HDAC3: variants seen among roughly 807,000 people sequenced by gnomAD.
HDAC3 encodes SMAP45.
HDAC3 carries 21 observed loss-of-function variants against 62.3 expected under a neutral mutation model. That is an observed-to-expected ratio of 0.34 (90% confidence interval 0.24 to 0.49). The LOEUF is 0.49. Among genes scored for constraint, HDAC3 ranks in the 20% least tolerant of loss-of-function variants. The pLI, the probability that HDAC3 is intolerant of heterozygous loss-of-function variation, is 0.99. For synonymous variants in HDAC3, 198 were observed against 206.5 expected (o/e 0.96, Z 0.35); for missense variants, 270 against 556.9 (o/e 0.48, Z 5.19).
chr5:141,633,770 G>A (rs1204583482), intron 3 of HDAC3, among the ~76,000 whole-genome samples: 1 of 144,362 alleles, frequency 6.9e-6, no homozygotes, highest in Non-Finnish European at 1.5e-5. Flanking sequence ...AGGTTGCAGT[G>A]AGCCAAGACT....
Position 141,625,043 on chromosome 5 carries a change from G to A in HDAC3, c.1217+165C>T. ...TTTTAAAATTTTGCAATAAATACGTGTTACTTTTGTCATTAAAAATAACAA... is the reference window on the plus strand; with the variant it reads ...TTTTAAAATTTTGCAATAAATACGTATTACTTTTGTCATTAAAAATAACAA... On this transcript the variant is annotated intron_variant, in intron 14 of 14. Transcript: ENST00000305264. This position sits in a 1 kb window ranked among gnomAD's most constrained non-coding sequence, Gnocchi z 4.0. 1 of 716,384 alleles carries A rather than the reference G, an allele frequency of 1.4e-6. No homozygotes were observed. The allele number at this position is 716,384 out of a possible 1,614,324, so 44.4% of individuals were successfully genotyped here.
At position 141,629,982 on chromosome 5, in the gene HDAC3, G is replaced by C; in HGVS notation, c.363+62C>G. On this transcript the variant is annotated intron_variant, in intron 4 of 14. Transcript: ENST00000305264. This position sits in a 1 kb window ranked among gnomAD's most constrained non-coding sequence, Gnocchi z 5.3. ...CCCTCAAGCTGGGAGCCCAGGATCA[G>C]GGTTAAATCCCGAGTCCAGGGATCC... The C allele has an allele frequency of 6.2e-7, 1 of 1,612,926 alleles. No individual in the cohort carries two copies. Among genetic ancestry groups the C allele is most frequent in the Middle Eastern group, 1.6e-4 (1 of 6,062 alleles).
intron 3 of HDAC3, among the ~76,000 whole-genome samples, chr5:141,631,703 A>C (rs572489809): frequency 1.8e-4 from 27 of 152,322 alleles, no homozygotes; most frequent in Non-Finnish European, 2.5e-4. Flanking sequence ...TAGGTTCTTT[A>C]ACACCTACTA....
At chr5:141,630,999 A>G (rs1309114125) in intron 3 of HDAC3, among the ~76,000 whole-genome samples, 2 of 151,978 alleles carry the variant, frequency 1.3e-5, no homozygotes, top group African/African-American at 2.4e-5. Context: ...ATACCTTGAT[A>G]TATTCTATCA....
Position 141,630,079 on chromosome 5 carries a change from C to T in HDAC3, c.328G>A (p.Ala110Thr), listed in dbSNP as rs2099904971. 2.5e-6 allele frequency: 4 copies of T among 1,614,036 alleles called. No individual in the cohort carries two copies. The highest frequency in any genetic ancestry group is 1.3e-5 in the African/African-American group (1 of 74,902). The change falls in exon 4 of 15, where the codon GCA (alanine) becomes ACA (threonine). Residue 110 changes from alanine (A) to threonine (T), a missense_variant. By Grantham distance (58) the Ala-to-Thr change is moderately conservative. This residue lies in a region of HDAC3 where 156 missense variants were observed against 383.9 expected (regional missense o/e 0.41). Coordinates refer to ENST00000305264, the MANE Select transcript of HDAC3 (RefSeq NM_003883.4). Reference protein sequence around the residue: ...LFEFCSRYTGASLQGATQLNN... With the variant: ...LFEFCSRYTGTSLQGATQLNN... The stretch of plus-strand genomic sequence containing the variant: ...AGCTGGGTTGCTCCTTGCAGAGATG[C>T]GCCTGTGTAACGCGAGCAGAACTCA...
In HDAC3 at chr5:141,636,801, G is replaced by A. The variant is rs761206698; in HGVS notation, c.-11C>T. On this transcript the variant is annotated 5_prime_UTR_variant, in exon 1 of 15. Coordinates refer to ENST00000305264, the MANE Select transcript of HDAC3 (RefSeq NM_003883.4). ...CACGGTCTTGGCCATGGTGCCGGCG[G>A]GAGCAGGCCCCGCACCTCCGCCGCC... The A allele has an allele frequency of 4.6e-5, 74 of 1,595,124 alleles. No homozygotes were observed. The highest frequency in any genetic ancestry group is 5.6e-5 in the Non-Finnish European group (66 of 1,170,122).
intron 14 of HDAC3, among the ~76,000 whole-genome samples, chr5:141,622,239 T>C (rs1041045766): frequency 1.3e-5 from 2 of 152,158 alleles, no homozygotes; most frequent in East Asian, 1.9e-4. Flanking sequence ...TATAAACCCA[T>C]AGTGAAAGAA....
At chr5:141,627,412 G>C (rs2099904595) in intron 10 of HDAC3, among the ~76,000 whole-genome samples, 2 of 152,000 alleles carry the variant, frequency 1.3e-5, no homozygotes, top group Non-Finnish European at 2.9e-5. Flanking sequence ...TCCATGCTTG[G>C]GTCAGGCTTC....
rs774773891 is a variant in HDAC3, at chr5:141,636,526, C to T, written c.138+22G>A. The T allele has an allele frequency of 3.1e-6, 5 of 1,611,622 alleles. No homozygotes were observed. In the Admixed American group the frequency reaches 8.3e-5, roughly 27 times the overall value. On this transcript the variant is annotated intron_variant, in intron 2 of 14. Coordinates refer to ENST00000305264, the MANE Select transcript of HDAC3 (RefSeq NM_003883.4). ...ACAGCTCGCCCCACCCCCCAACCCC[C>T]GGCCGAGGCGGCGGAACTCACGATC...
chr5:141,622,397 A>T (rs1009234592), intron 14 of HDAC3, among the ~76,000 whole-genome samples: 3 of 152,102 alleles, frequency 2.0e-5, no homozygotes, highest in African/African-American at 7.2e-5. Flanking sequence ...CAAGGTCAAG[A>T]GATCAAGACC....
chr5:141,636,835 G>A lies in HDAC3; in HGVS notation c.-45C>T, dbSNP rs1350501849. On this transcript the variant is annotated 5_prime_UTR_variant, in exon 1 of 15. Coordinates refer to ENST00000305264, the MANE Select transcript of HDAC3 (RefSeq NM_003883.4). ...CCCGCACCTCCGCCGCCCGCCGCCC[G>A]CGGCCGCCGCCAGCCCCTCCCCGGC... The A allele has an allele frequency of 2.1e-6, 3 of 1,431,110 alleles. No homozygotes were observed. The highest frequency in any genetic ancestry group is 3.0e-5 in the Admixed American group (1 of 33,750). 88.7% of individuals were successfully genotyped at this position (1,431,110 alleles called of 1,614,324 possible).
chr5:141,631,204 T>C (rs1031159467), intron 3 of HDAC3, among the ~76,000 whole-genome samples: 8 of 152,154 alleles, frequency 5.3e-5, no homozygotes, highest in Non-Finnish European at 8.8e-5. Context: ...TGTTTGTTTT[T>C]TGAGATGGGG....
chr5:141,626,436 T>G lies in HDAC3; in HGVS notation c.831-153A>C. On this transcript the variant is annotated intron_variant, in intron 10 of 14. Coordinates refer to ENST00000305264, the MANE Select transcript of HDAC3 (RefSeq NM_003883.4). This position sits in a 1 kb window ranked among gnomAD's most constrained non-coding sequence, Gnocchi z 4.6. ...TTCATTATGTTATACCCTTAAGATT[T>G]GGGTATACTTTATATGCTGTGTCTC... 1.5e-6 allele frequency: 1 copy of G among 655,954 alleles called. No individual in the cohort carries two copies. Among genetic ancestry groups the G allele is most frequent in the Non-Finnish European group, 2.7e-6 (1 of 372,126 alleles). The allele number at this position is 655,954 out of a possible 1,614,324, so 40.6% of individuals were successfully genotyped here.
Position 141,629,745 on chromosome 5 carries a change from G to A in HDAC3, c.421-6C>T, listed in dbSNP as rs2099904928. ...ACATAGCAGAAGCCAGAGGCCTATG[G>A]CAAGACAGTGGTCTCATAAAGAGAA... On this transcript the variant is annotated splice_polypyrimidine_tract_variant and splice_region_variant and intron_variant, in intron 5 of 14. Transcript: ENST00000305264. The surrounding 1 kb of genome is among the most constrained non-coding windows in gnomAD (Gnocchi z 5.3). The A allele has an allele frequency of 6.2e-7, 1 of 1,613,932 alleles. No homozygotes were observed. Among genetic ancestry groups the A allele is most frequent in the Admixed American group, 1.7e-5 (1 of 60,000 alleles).
At chr5:141,635,995 T>C (rs533327504) in intron 2 of HDAC3, 3 of 153,066 alleles carry the variant, frequency 2.0e-5, no homozygotes, top group East Asian at 1.9e-4. Context: ...AAAAACTGGA[T>C]AGCGATTAAG....
At chr5:141,621,994 A>C (rs2099903770) in intron 14 of HDAC3, among the ~76,000 whole-genome samples, 3 of 152,194 alleles carry the variant, frequency 2.0e-5, no homozygotes, top group Admixed American at 2.0e-4. Context: ...TCCAAGCTGC[A>C]AGAAAACCAA....
rs774959267 is a variant in HDAC3 at position 141,625,697 on chromosome 5, C to T, written c.1047G>A (p.Gln349=). Reference sequence around the variant, plus strand: ...CTGAGCTGCTGACCTGGCGTGAGTTCTGATTCTCGATGCGGGTGCTGACAT... The same window carrying T: ...CTGAGCTGCTGACCTGGCGTGAGTTTTGATTCTCGATGCGGGTGCTGACAT... The part of the protein sequence containing the change: ...HPDVSTRIEN[Q]NSRQYLDQIR... Residue 349 remains glutamine, a synonymous_variant, in exon 13 of 15, where the codon CAG becomes CAA. Coordinates refer to ENST00000305264, the MANE Select transcript of HDAC3 (RefSeq NM_003883.4). The surrounding 1 kb of genome is among the most constrained non-coding windows in gnomAD (Gnocchi z 4.0). 6.2e-7 allele frequency: 1 copy of T among 1,614,168 alleles called. No individual in the cohort carries two copies. The highest frequency in any genetic ancestry group is 8.5e-7 in the Non-Finnish European group (1 of 1,180,000).
At position 141,626,457 on chromosome 5, in the gene HDAC3, G is replaced by C. The variant is rs2099904429; in HGVS notation, c.831-174C>G. 9.8e-6 allele frequency: 6 copies of C among 615,308 alleles called. No individual in the cohort carries two copies. The South Asian group carries it at 1.2e-4, about 12-fold the overall frequency. 38.1% of individuals were successfully genotyped at this position (615,308 alleles called of 1,614,324 possible). A position where few individuals can be genotyped will look rare whatever the true frequency, so the allele number is the denominator to read the frequency against. ...GATTTGGGTATACTTTATATGCTGT[G>C]TCTCAATAAAAATTTTAAAATAAAG... On this transcript the variant is annotated intron_variant, in intron 10 of 14. Transcript: ENST00000305264. This position sits in a 1 kb window ranked among gnomAD's most constrained non-coding sequence, Gnocchi z 4.6.
chr5:141,628,599 G>A lies in HDAC3; in HGVS notation c.651C>T (p.Tyr217=). ...YEVGAESGRY[Y]CLNVPLRDGI... ...CATCCCGCAGGGGCACGTTCAGACA[G>A]TAGTAGCGGCCACTCTCTGCCCCGA... Residue 217 remains tyrosine, a synonymous_variant, in exon 8 of 15, where the codon TAC becomes TAT. Transcript: ENST00000305264. This position sits in a 1 kb window ranked among gnomAD's most constrained non-coding sequence, Gnocchi z 4.7. The A allele has an allele frequency of 3.1e-6, 5 of 1,614,150 alleles. No individual in the cohort carries two copies. The highest frequency in any genetic ancestry group is 2.5e-6 in the Non-Finnish European group (3 of 1,180,032).
Sources: allele counts gnomAD v4.1 joint callset (sites outside exome capture counted in the v4.1 genomes callset), GRCh38; gene constraint gnomAD v4.1.1; regional missense constraint gnomAD v4.1.1; non-coding constraint Gnocchi (gnomAD v3.1); transcripts MANE v1.5; gene names NCBI Gene and HGNC (gene_info 2026-07-23, HGNC 2026-07-21).